The following PCSK5 variants were observed in gnomAD, a reference collection of about 807,000 sequenced individuals.
PCSK5 encodes the protein proprotein convertase subtilisin/kexin type 5.
In PCSK5, 129 loss-of-function variants were observed where a neutral mutation model predicts 233.2. That is an observed-to-expected ratio of 0.55 (90% CI 0.48 to 0.64). The LOEUF is 0.64. Among genes scored for constraint, PCSK5 ranks in the 30% least tolerant of loss-of-function variants. The pLI, the probability that PCSK5 is intolerant of heterozygous loss-of-function variation, is 0.00. For missense variants in PCSK5, 2,076 were observed against 2,430.1 expected (o/e 0.85, Z 3.06); for synonymous variants, 825 against 879.2 (o/e 0.94, Z 1.09).
At chr9:76,257,589 C>T (rs900210675) in intron 24 of PCSK5, among the ~76,000 whole-genome samples, 8 of 152,182 alleles carry the variant, frequency 5.3e-5, no homozygotes, top group Non-Finnish European at 7.3e-5. Context: ...CAGTCCTCCC[C>T]GCAGCCTCCA....
At chr9:76,169,929 A>G in intron 13 of PCSK5, 89 bp downstream of exon 13, 1 of 1,035,438 alleles carries the variant, frequency 9.7e-7, no homozygotes, top group Non-Finnish European at 1.5e-6. Context: ...CTCACATATT[A>G]GCATCTTTTC....
chr9:75,978,855 G>A (rs1587450752), intron 2 of PCSK5, among the ~76,000 whole-genome samples: 1 of 132,888 alleles, frequency 7.5e-6, no homozygotes, highest in African/African-American at 2.7e-5. Context: ...TTTAGGCTTT[G>A]TTTGAATGTT....
At chr9:76,226,070 A>G (rs929165910) in intron 20 of PCSK5, among the ~76,000 whole-genome samples, 1 of 152,178 alleles carries the variant, frequency 6.6e-6, no homozygotes, top group Non-Finnish European at 1.5e-5. Context: ...TAAAAATTGT[A>G]TATAAGTTTC....
chr9:76,110,980 G>A (rs1014301173), intron 9 of PCSK5, among the ~76,000 whole-genome samples: 3 of 151,952 alleles, frequency 2.0e-5, no homozygotes, highest in South Asian at 2.1e-4. Context: ...GGTAGCATGC[G>A]CCCATAGTCC....
chr9:76,358,014 T>C (rs543887385), intron 37 of PCSK5, among the ~76,000 whole-genome samples: 1 of 152,300 alleles, frequency 6.6e-6, no homozygotes, highest in African/African-American at 2.4e-5. Flanking sequence ...TGAAGTATTT[T>C]CTTAGGAGGG....
intron 3 of PCSK5, among the ~76,000 whole-genome samples, chr9:76,000,340 A>C (rs574264072): frequency 1.3e-3 from 200 of 152,304 alleles, no homozygotes; most frequent in African/African-American, 4.5e-3. Context: ...TATTTTTGAG[A>C]AGGTGAGGGA....
At chr9:76,312,244 C>T (rs1272782258) in intron 30 of PCSK5, among the ~76,000 whole-genome samples, 1 of 152,184 alleles carries the variant, frequency 6.6e-6, no homozygotes, top group African/African-American at 2.4e-5. Context: ...GGCGTGGTGG[C>T]TCACGCCTGT....
chr9:76,133,521 G>A (rs1822846429), intron 9 of PCSK5, among the ~76,000 whole-genome samples: 1 of 151,968 alleles, frequency 6.6e-6, no homozygotes, highest in Non-Finnish European at 1.5e-5. Context: ...TACTCTTACT[G>A]CTGTCTGTGC....
intron 12 of PCSK5, among the ~76,000 whole-genome samples, chr9:76,164,302 TAGAC>T (rs977844265): frequency 2.9e-4 from 44 of 152,326 alleles, no homozygotes; most frequent in African/African-American, 9.1e-4. Flanking sequence ...CCTTTGGAGT[TAGAC>T]AGAGCTGGGT....
At chr9:76,124,044 A>T (rs1464216858) in intron 9 of PCSK5, among the ~76,000 whole-genome samples, 3 of 152,126 alleles carry the variant, frequency 2.0e-5, no homozygotes, top group African/African-American at 7.2e-5. Flanking sequence ...GAAAACATTA[A>T]GTATTTTTAG....
At chr9:75,973,572 C>T (rs925241432) in intron 2 of PCSK5, among the ~76,000 whole-genome samples, 3 of 152,206 alleles carry the variant, frequency 2.0e-5, no homozygotes, top group Non-Finnish European at 2.9e-5. Flanking sequence ...GGAGACCCGA[C>T]CTTGGCCTCC....
intron 29 of PCSK5, 64 bp downstream of exon 29, chr9:76,308,792 T>G (rs1828779785): frequency 1.0e-6 from 1 of 995,824 alleles, no homozygotes; most frequent in South Asian, 1.3e-5. Flanking sequence ...TCATGTGTAG[T>G]GGCATCTTGG....
chr9:76,339,635 C>G (rs1829775071), intron 35 of PCSK5, among the ~76,000 whole-genome samples: 1 of 152,142 alleles, frequency 6.6e-6, no homozygotes, highest in Non-Finnish European at 1.5e-5. Context: ...ACCTCCGCCT[C>G]CCAGGATCAA....
At chr9:75,904,627 C>T (rs1426783873) in intron 1 of PCSK5, among the ~76,000 whole-genome samples, 1 of 152,140 alleles carries the variant, frequency 6.6e-6, no homozygotes, top group Non-Finnish European at 1.5e-5. Flanking sequence ...ATAAAAAAGA[C>T]AGATCATTAC....
At chr9:75,982,018 C>G (rs1004805499) in intron 2 of PCSK5, among the ~76,000 whole-genome samples, 2 of 152,196 alleles carry the variant, frequency 1.3e-5, no homozygotes, top group African/African-American at 4.8e-5. Flanking sequence ...AGAAAGCAAC[C>G]AGTTTATCAG....
rs769704635 is a variant in PCSK5 at position 76,233,581 on chromosome 9, A to C, written c.2851A>C (p.Thr951Pro). 6.2e-7 allele frequency: 1 copy of C among 1,610,392 alleles called. No individual in the cohort carries two copies. Residue 951 changes from threonine (T) to proline (P), a missense_variant, in exon 22 of 38, where the codon ACC becomes CCC. By Grantham distance (38) the Thr-to-Pro change is conservative (BLOSUM62 -1). This residue lies in a region of PCSK5 where 1,510 missense variants were observed against 1,538.1 expected (regional missense o/e 0.98). Transcript: ENST00000674117. ...RCQGSGPTHC[T>P]SCGADNYGRE... ...CCAAGGAAGTGGCCCTACCCACTGC[A>C]CCTCCTGTGGAGCAGGTGAGAGACT...
In PCSK5 at chr9:76,331,592, G is replaced by A. The variant is rs145318223; in HGVS notation, c.4571-841G>A. Among the ~76,000 whole-genome samples, 1,012 of 151,962 alleles carry A rather than the reference G, an allele frequency of 6.7e-3. 12 individuals carry two copies. The highest frequency in any genetic ancestry group is 0.023 in the African/African-American group (970 of 41,392). On this transcript the variant is annotated intron_variant, in intron 33 of 37. Coordinates refer to ENST00000674117, the MANE Select transcript of PCSK5 (RefSeq NM_001372043.1). ...TTAGGCAGGAGAATGGTGTGAACCCGGAAGGTGGAGCTTGCAGTGAGCCAA... is the reference window on the plus strand; with the variant it reads ...TTAGGCAGGAGAATGGTGTGAACCCAGAAGGTGGAGCTTGCAGTGAGCCAA...
chr9:76,351,640 GAAGAAAGAAAGAGAGAGAGAAAGAAAGA>G (rs1663902458), intron 36 of PCSK5, among the ~76,000 whole-genome samples: 1 of 118,872 alleles, frequency 8.4e-6, no homozygotes, highest in Non-Finnish European at 1.9e-5. Flanking sequence ...GAGAGAGAAA[GAAGAAAGAAAGAGAGAGAGAAAGAAAGA>G]AAGAAAGAAA....
intron 5 of PCSK5, among the ~76,000 whole-genome samples, chr9:76,058,334 C>T (rs941956914): frequency 2.6e-5 from 4 of 152,056 alleles, no homozygotes; most frequent in Admixed American, 6.6e-5. Context: ...GAGGATTCTG[C>T]GTAAACCAGA....
Sources: gnomAD v4.1 joint callset for allele counts (sites outside exome capture counted in the v4.1 genomes callset) on GRCh38, gnomAD v4.1.1 for gene constraint, gnomAD v4.1.1 regional missense constraint, MANE v1.5 for transcripts, NCBI Gene and HGNC (gene_info 2026-07-23, HGNC 2026-07-21) for gene names.